The following ZNF148 variants were observed in gnomAD, a reference collection of about 807,000 sequenced individuals.
ZNF148 encodes Beta-Enolase Repressor Factor-1.
In ZNF148, 7 loss-of-function variants were observed where a neutral mutation model predicts 67.7. That is an observed-to-expected ratio of 0.10 (90% CI 0.06 to 0.19). The LOEUF (loss-of-function observed/expected upper bound fraction) is 0.19, where lower values mean the gene tolerates loss of function less well. Ranked by LOEUF, ZNF148 falls within the 10% of genes least tolerant of loss-of-function variation. The pLI, the probability that ZNF148 is intolerant of heterozygous loss-of-function variation, is 1.00. For synonymous variants in ZNF148, 333 were observed against 330.7 expected, an observed-to-expected ratio of 1.01 and a Z score of -0.08; for missense variants, 583 against 947.1, an observed-to-expected ratio of 0.62 and a Z score of 5.05.
At chr3:125,337,987 C>A (rs192744877) in intron 1 of ZNF148, among the ~76,000 whole-genome samples, 1 of 151,894 alleles carries the variant, frequency 6.6e-6, no homozygotes, top group Non-Finnish European at 1.5e-5. Context: ...TGCATGCCAC[C>A]CAGACACTAG....
At position 125,245,344 on chromosome 3, in the gene ZNF148, T is replaced by C. The variant is rs552495576; in HGVS notation, c.668-11015A>G. Among the ~76,000 whole-genome samples, 37 of 152,266 alleles carry C rather than the reference T, an allele frequency of 2.4e-4. No homozygotes were observed. In the South Asian group the frequency reaches 7.3e-3, roughly 30 times the overall value. ...AGATCTGACTGCTTTCTAAAACAATTTTCCTGCTCTTGCTCGCTTTCTCTC... is the reference window on the plus strand; with the variant it reads ...AGATCTGACTGCTTTCTAAAACAATCTTCCTGCTCTTGCTCGCTTTCTCTC... On this transcript the variant is annotated intron_variant, in intron 7 of 8. Transcript: ENST00000360647.
At chr3:125,349,377 T>G (rs1416342479) in intron 1 of ZNF148, among the ~76,000 whole-genome samples, 1 of 152,074 alleles carries the variant, frequency 6.6e-6, no homozygotes, top group African/African-American at 2.4e-5. Flanking sequence ...TACAACTCAA[T>G]AGCAAAAAAT....
chr3:125,360,572 C>T (rs552853060), intron 1 of ZNF148, among the ~76,000 whole-genome samples: 1 of 152,236 alleles, frequency 6.6e-6, no homozygotes, highest in South Asian at 2.1e-4. Flanking sequence ...AGGTGTGAGC[C>T]ATCATACTCA....
intron 7 of ZNF148, among the ~76,000 whole-genome samples, chr3:125,252,299 C>G (rs1031142194): frequency 6.7e-6 from 1 of 149,736 alleles, no homozygotes; most frequent in South Asian, 2.1e-4. Context: ...TTAGGATTTT[C>G]CCCCCATTCC....
intron 7 of ZNF148, among the ~76,000 whole-genome samples, chr3:125,272,231 T>C (rs1349969596): frequency 1.3e-5 from 2 of 152,252 alleles, no homozygotes; most frequent in East Asian, 1.9e-4. Context: ...CACCATTGTG[T>C]TGGAAATCTG....
chr3:125,276,263 A>T (rs1452970670), intron 7 of ZNF148, among the ~76,000 whole-genome samples: 4 of 152,078 alleles, frequency 2.6e-5, no homozygotes, highest in Non-Finnish European at 5.9e-5. Context: ...AAATCTATAA[A>T]TTTTTTTCTC....
At position 125,326,389 on chromosome 3, in the gene ZNF148, T is replaced by C. The variant is rs535510096; in HGVS notation, c.-152-2945A>G. On this transcript the variant is annotated intron_variant, in intron 2 of 8. Transcript: ENST00000360647. Reference sequence around the variant, plus strand: ...TAGCAGTACAATAAAGAAGAGAAAATGGACCTACATTGGAAGAAAGTTTAT... The same window carrying C: ...TAGCAGTACAATAAAGAAGAGAAAACGGACCTACATTGGAAGAAAGTTTAT... 2.0e-5 allele frequency among the ~76,000 whole-genome samples: 3 copies of C among 151,698 alleles called. No individual in the cohort carries two copies. In the South Asian group the frequency reaches 6.2e-4, roughly 32 times the overall value.
chr3:125,265,537 G>T (rs1937514640), intron 7 of ZNF148, among the ~76,000 whole-genome samples: 1 of 152,196 alleles, frequency 6.6e-6, no homozygotes, highest in Non-Finnish European at 1.5e-5. Flanking sequence ...CTGCAGAACA[G>T]GTAGAGCACA....
At chr3:125,312,686 A>T (rs1940279240) in intron 4 of ZNF148, among the ~76,000 whole-genome samples, 1 of 152,234 alleles carries the variant, frequency 6.6e-6, no homozygotes. Context: ...AAAGGAACCC[A>T]GGTTTGATAT....
chr3:125,245,118 T>C (rs1270563626), intron 7 of ZNF148, among the ~76,000 whole-genome samples: 1 of 152,180 alleles, frequency 6.6e-6, no homozygotes, highest in Non-Finnish European at 1.5e-5. Context: ...TCCACTTCTG[T>C]AACACTTAAG....
intron 7 of ZNF148, among the ~76,000 whole-genome samples, chr3:125,262,084 G>C (rs1412576694): frequency 2.0e-5 from 3 of 151,988 alleles, no homozygotes; most frequent in Non-Finnish European, 2.9e-5. Flanking sequence ...AAAATCAATT[G>C]TAAATGTATG....
intron 7 of ZNF148, among the ~76,000 whole-genome samples, chr3:125,249,143 A>G (rs564287851): frequency 1.4e-4 from 21 of 152,324 alleles, no homozygotes; most frequent in Non-Finnish European, 2.5e-4. Context: ...AGATATGACA[A>G]CAAAACCATA....
At chr3:125,245,134 C>T (rs921548093) in intron 7 of ZNF148, among the ~76,000 whole-genome samples, 13 of 152,172 alleles carry the variant, frequency 8.5e-5, no homozygotes, top group African/African-American at 3.1e-4. Flanking sequence ...TTAAGGATCT[C>T]AAATACATCA....
At chr3:125,305,731 T>G (rs369468832) in intron 4 of ZNF148, among the ~76,000 whole-genome samples, 8 of 150,766 alleles carry the variant, frequency 5.3e-5, no homozygotes, top group African/African-American at 1.7e-4. Flanking sequence ...GAGGATTACT[T>G]GAGCTCAGGA....
At position 125,365,693 on chromosome 3, in the gene ZNF148, C is replaced by T. The variant is rs117421255; in HGVS notation, c.-234+9409G>A. ...ATTAGCCAGGCGTGGTGGTACATGC[C>T]TGTGGTCCCAGGTACTCGGAAGGCT... On this transcript the variant is annotated intron_variant, in intron 1 of 8. Transcript: ENST00000360647. 6.0e-4 allele frequency among the ~76,000 whole-genome samples: 92 copies of T among 152,254 alleles called. No individual in the cohort carries two copies. The East Asian group carries it at 0.017, about 28-fold the overall frequency.
At chr3:125,339,004 A>G (rs1190512666) in intron 1 of ZNF148, 1 of 152,328 alleles carries the variant, frequency 6.6e-6, no homozygotes, top group Non-Finnish European at 1.5e-5. Context: ...AATCAATTAG[A>G]GAATACTAAG....
chr3:125,342,532 T>A (rs1045509006), intron 1 of ZNF148, among the ~76,000 whole-genome samples: 40 of 151,856 alleles, frequency 2.6e-4, no homozygotes, highest in South Asian at 6.2e-4. Context: ...CTATATCCAG[T>A]GAAACTGCCC....
intron 7 of ZNF148, among the ~76,000 whole-genome samples, chr3:125,273,172 A>T (rs925142334): frequency 1.3e-5 from 2 of 152,250 alleles, no homozygotes; most frequent in East Asian, 3.8e-4. Flanking sequence ...GAGTAAATCA[A>T]CATTCTCTCT....
At chr3:125,259,123 T>G (rs891274478) in intron 7 of ZNF148, among the ~76,000 whole-genome samples, 3 of 152,028 alleles carry the variant, frequency 2.0e-5, no homozygotes, top group African/African-American at 7.2e-5. Flanking sequence ...GGAAAAAAAT[T>G]GCAAATCACA....
Sources: allele counts gnomAD v4.1 joint callset (sites outside exome capture counted in the v4.1 genomes callset), GRCh38; gene constraint gnomAD v4.1.1; transcripts MANE v1.5; gene names NCBI Gene and HGNC (gene_info 2026-07-23, HGNC 2026-07-21).